AQP7B: variants seen among roughly 807,000 people sequenced by gnomAD.
AQP7B encodes putative aquaporin-7B.
the AQP7B span, chr2:94,603,974 G>C: frequency 2.6e-5 from 28 of 1,085,222 alleles, no homozygotes; most frequent in African/African-American, 7.8e-5. Flanking sequence ...TTTCTGTGGA[G>C]CTCCTGTGTG....
chr2:94,594,047 T>A, the AQP7B span, among the ~76,000 whole-genome samples: 2 of 152,192 alleles, frequency 1.3e-5, no homozygotes, highest in African/African-American at 4.8e-5. Context: ...CCTGGCATGG[T>A]GCTGGGCACT....
chr2:94,596,487 G>A, the AQP7B span, among the ~76,000 whole-genome samples: 11 of 152,294 alleles, frequency 7.2e-5, no homozygotes, highest in African/African-American at 2.4e-4. Flanking sequence ...GGAGCTCAAG[G>A]GAGAGAGGAA....
the AQP7B span, among the ~76,000 whole-genome samples, chr2:94,598,713 TG>T: frequency 6.6e-6 from 1 of 152,364 alleles, no homozygotes; most frequent in East Asian, 1.9e-4. Context: ...AAACAAAACC[TG>T]TGCCCTGGAT....
chr2:94,603,117 C>T, the AQP7B span: 34 of 1,565,714 alleles, frequency 2.2e-5, no homozygotes, highest in Non-Finnish European at 2.8e-5. Context: ...AGTCCATGTG[C>T]TGGGGCAGTT....
chr2:94,597,822 C>A, the AQP7B span, among the ~76,000 whole-genome samples: 4 of 152,086 alleles, frequency 2.6e-5, no homozygotes, highest in Non-Finnish European at 5.9e-5. Context: ...CAAGGCTGGT[C>A]TTGAACTCCT....
the AQP7B span, among the ~76,000 whole-genome samples, chr2:94,596,943 T>C: frequency 6.6e-6 from 1 of 152,158 alleles, no homozygotes; most frequent in Non-Finnish European, 1.5e-5. Flanking sequence ...CAGGTGACCT[T>C]CCTGCCTCGG....
chr2:94,596,578 C>T, the AQP7B span, among the ~76,000 whole-genome samples: 11 of 152,220 alleles, frequency 7.2e-5, no homozygotes, highest in Non-Finnish European at 1.5e-4. Flanking sequence ...TGGCTTAAAG[C>T]CTGACTTCTC....
At chr2:94,603,575 A>C in the AQP7B span, 1 of 1,473,248 alleles carries the variant, frequency 6.8e-7, no homozygotes, top group Non-Finnish European at 9.2e-7. Context: ...GAGTCCCTCC[A>C]GATAGACAGG....
the AQP7B span, chr2:94,604,288 C>A: frequency 1.3e-6 from 2 of 1,599,438 alleles, no homozygotes; most frequent in Non-Finnish European, 1.7e-6. Flanking sequence ...TTGCCTGCAG[C>A]GATGGGGAGA....
At chr2:94,589,169 T>G in the AQP7B span, among the ~76,000 whole-genome samples, 30 of 148,188 alleles carry the variant, frequency 2.0e-4, no homozygotes, top group South Asian at 2.3e-3. Flanking sequence ...TAGTTGTTGT[T>G]TTTTTTTTTT....
At chr2:94,590,492 A>G in the AQP7B span, among the ~76,000 whole-genome samples, 26 of 152,110 alleles carry the variant, frequency 1.7e-4, no homozygotes, top group African/African-American at 6.0e-4. Flanking sequence ...CTGGCCAACA[A>G]ATGTTTGTTG....
At chr2:94,594,556 T>G in the AQP7B span, among the ~76,000 whole-genome samples, 1 of 152,194 alleles carries the variant, frequency 6.6e-6, no homozygotes, top group African/African-American at 2.4e-5. Flanking sequence ...TCTACCCCAG[T>G]TCCTCTCCAT....
chr2:94,603,618 GTC>G, the AQP7B span: 2 of 1,320,014 alleles, frequency 1.5e-6, no homozygotes, highest in Non-Finnish European at 2.1e-6. Context: ...GTACTGAGAC[GTC>G]TCTCTGCTGG....
the AQP7B span, among the ~76,000 whole-genome samples, chr2:94,598,898 G>T: frequency 6.6e-6 from 1 of 152,150 alleles, no homozygotes; most frequent in Non-Finnish European, 1.5e-5. Context: ...TGCCTCCCAG[G>T]TTCAAGTGAT....
the AQP7B span, chr2:94,602,749 CT>C: frequency 1.0e-6 from 1 of 969,252 alleles, no homozygotes; most frequent in Non-Finnish European, 1.5e-6. Flanking sequence ...AGGAAGTCTC[CT>C]CTGAACCCCG....
the AQP7B span, chr2:94,588,654 C>T: frequency 7.5e-3 from 6,325 of 844,288 alleles, 38 homozygotes; most frequent in Middle Eastern, 0.021. Context: ...GCAGCTGTCC[C>T]CCCTTGACCT....
chr2:94,588,266 A>G, the AQP7B span, among the ~76,000 whole-genome samples: 9 of 151,800 alleles, frequency 5.9e-5, no homozygotes, highest in African/African-American at 1.7e-4. Flanking sequence ...GGAGCACTGG[A>G]GGGTCTGGCC....
chr2:94,600,926 G>A, the AQP7B span, among the ~76,000 whole-genome samples: 1 of 151,408 alleles, frequency 6.6e-6, no homozygotes, highest in Non-Finnish European at 1.5e-5. Flanking sequence ...CATGCCCATA[G>A]TCCCAACTAC....
At chr2:94,587,679 A>G in the AQP7B span, among the ~76,000 whole-genome samples, 1 of 152,140 alleles carries the variant, frequency 6.6e-6, no homozygotes, top group Non-Finnish European at 1.5e-5. Context: ...CAGAGATGGC[A>G]GGGATGCACT....
Sources: allele counts gnomAD v4.1 joint callset (sites outside exome capture counted in the v4.1 genomes callset), GRCh38; gene constraint gnomAD v4.1.1; transcripts MANE v1.5; gene names NCBI Gene and HGNC (gene_info 2026-07-23, HGNC 2026-07-21).